SHANK2: variants seen among roughly 807,000 people sequenced by gnomAD.
SHANK2 encodes the protein SH3 and multiple ankyrin repeat domains 2, also known as SH3 and multiple ankyrin repeat domains protein 2.
Under a neutral mutation model 133.7 loss-of-function variants are expected in SHANK2, and 43 were observed. The ratio of observed to expected loss-of-function variants is 0.32; its 90% CI spans 0.25 to 0.41. SHANK2 has a LOEUF of 0.41. SHANK2 is among the 10% of genes least tolerant of loss of function. The pLI is 1.00. For synonymous variants in SHANK2, 1,017 were observed against 952.8 expected, an observed-to-expected ratio of 1.07 and a Z score of -1.24; for missense variants, 1,994 against 2,235.8, an observed-to-expected ratio of 0.89 and a Z score of 2.18.
At chr11:70,718,495 C>T (rs1420737453) in intron 14 of SHANK2, among the ~76,000 whole-genome samples, 1 of 152,156 alleles carries the variant, frequency 6.6e-6, no homozygotes, top group African/African-American at 2.4e-5. Flanking sequence ...CATGGACATG[C>T]TGCAGATTCC....
chr11:70,489,423 G>A, intron 23 of SHANK2, 75 bp from the exon 24 acceptor site: 2 of 1,455,434 alleles, frequency 1.4e-6, no homozygotes, highest in Non-Finnish European at 1.9e-6. Context: ...GTTTGCTGGT[G>A]CAGGGGGAGC....
chr11:71,162,096 T>C (rs1953032989), intron 2 of SHANK2, among the ~76,000 whole-genome samples: 1 of 152,226 alleles, frequency 6.6e-6, no homozygotes, highest in Admixed American at 6.5e-5. Flanking sequence ...ACTTGGTGAA[T>C]TAACCAATGA....
rs577968136 is a variant in SHANK2 at position 70,807,359 on chromosome 11, C to T, written c.1494-188G>A. On this transcript the variant is annotated intron_variant, in intron 12 of 25. Transcript: ENST00000601538. The surrounding 1 kb of genome is among the most constrained non-coding windows in gnomAD (Gnocchi z 4.8). Reference sequence around the variant, plus strand: ...CTGTGGTCAGAGGCTCAGGCAGATCCAACAATCCCACTCGCAGGTCTGCCC... The same window carrying T: ...CTGTGGTCAGAGGCTCAGGCAGATCTAACAATCCCACTCGCAGGTCTGCCC... Among the ~76,000 whole-genome samples the T allele has an allele frequency of 1.3e-5, 2 of 152,300 alleles. No individual in the cohort carries two copies. Among genetic ancestry groups the T allele is most frequent in the Admixed American group, 1.3e-4 (2 of 15,304 alleles).
intron 17 of SHANK2, among the ~76,000 whole-genome samples, chr11:70,541,810 G>C (rs1282144582): frequency 2.0e-5 from 3 of 152,358 alleles, no homozygotes; most frequent in East Asian, 3.9e-4. Flanking sequence ...CCCCACAACA[G>C]AGAATTGCTG....
intron 10 of SHANK2, among the ~76,000 whole-genome samples, chr11:70,921,574 A>C (rs1233228571): frequency 1.3e-5 from 2 of 152,232 alleles, no homozygotes; most frequent in African/African-American, 4.8e-5. Flanking sequence ...GGAGGAGCAG[A>C]AGGTGAAAAA....
chr11:70,904,011 T>C (rs1950062496), intron 10 of SHANK2, among the ~76,000 whole-genome samples: 1 of 152,110 alleles, frequency 6.6e-6, no homozygotes, highest in Non-Finnish European at 1.5e-5. Flanking sequence ...TGGTGCTTCC[T>C]CCAAACCCCT....
chr11:70,473,323 C>A lies in SHANK2; in HGVS notation c.5096G>T (p.Ser1699Ile). The change falls in exon 26 of 26, where the codon AGC becomes ATC. Residue 1699 changes from serine (S) to isoleucine (I), a missense_variant. Coordinates refer to ENST00000601538, the MANE Select transcript of SHANK2 (RefSeq NM_012309.5). This position sits in a 1 kb window ranked among gnomAD's most constrained non-coding sequence, Gnocchi z 5.9. Reference protein sequence around the residue: ...TLQSRPPDYESRTSGTRRAPS... With the variant: ...TLQSRPPDYEIRTSGTRRAPS... ...GGCACGTCTTGTTCCTGAGGTCCTG[C>A]TTTCATAGTCGGGGGGCCGGCTCTG... The A allele has an allele frequency of 2.5e-6, 4 of 1,613,728 alleles. No individual in the cohort carries two copies. The highest frequency in any genetic ancestry group is 3.4e-6 in the Non-Finnish European group (4 of 1,180,016).
At chr11:71,071,962 A>G (rs1333827866) in intron 9 of SHANK2, among the ~76,000 whole-genome samples, 1 of 152,160 alleles carries the variant, frequency 6.6e-6, no homozygotes, top group East Asian at 1.9e-4. Context: ...CAGGATAAAG[A>G]GCCACATCCC....
At chr11:71,124,211 G>GATAATA (rs1952135686) in intron 3 of SHANK2, among the ~76,000 whole-genome samples, 1 of 73,458 alleles carries the variant, frequency 1.4e-5, no homozygotes, top group Non-Finnish European at 2.5e-5. Flanking sequence ...TGGTGGTGAT[G>GATAATA]ATGATGGTGA....
Position 70,487,296 on chromosome 11 carries a change from G to T in SHANK2, c.2997C>A (p.Ala999=), listed in dbSNP as rs782382277. The T allele has an allele frequency of 3.7e-5, 60 of 1,614,078 alleles. No individual in the cohort carries two copies. Among genetic ancestry groups the T allele is most frequent in the South Asian group, 7.7e-5 (7 of 91,088 alleles). ...TGGCGGGCTTGGCGGGGACGTAGAC[G>T]GCTTTGCTGGCGATCTTCCCCACCT... is the stretch of plus-strand genomic sequence containing the variant. The part of the protein sequence containing the change: ...YSEVGKIASK[A]VYVPAKPARR... The change falls in exon 25 of 26, where the codon GCC becomes GCA. Residue 999 remains alanine, a synonymous_variant. Coordinates refer to ENST00000601538, the MANE Select transcript of SHANK2 (RefSeq NM_012309.5). This position sits in a 1 kb window ranked among gnomAD's most constrained non-coding sequence, Gnocchi z 5.8.
intron 17 of SHANK2, among the ~76,000 whole-genome samples, chr11:70,540,616 G>A (rs1386288412): frequency 1.4e-4 from 21 of 152,228 alleles, no homozygotes; most frequent in Admixed American, 1.2e-3. Flanking sequence ...ACCCAGGGCT[G>A]CATCTTTATA....
intron 10 of SHANK2, among the ~76,000 whole-genome samples, chr11:70,907,349 C>T (rs1172734554): frequency 6.6e-6 from 1 of 152,188 alleles, no homozygotes; most frequent in African/African-American, 2.4e-5. Flanking sequence ...AGGGGACCCC[C>T]TGGGTTGTGG....
intron 17 of SHANK2, among the ~76,000 whole-genome samples, chr11:70,545,806 G>A (rs2059685825): frequency 6.6e-6 from 1 of 152,218 alleles, no homozygotes; most frequent in Non-Finnish European, 1.5e-5. Flanking sequence ...AGCCTCGGAG[G>A]CCAGTTGCCA....
In SHANK2 at chr11:70,485,762, A is replaced by G. The variant is rs1555153068; in HGVS notation, c.4531T>C (p.Ser1511Pro). ...AGGGTGGAGATGCTAGACACGGTGG[A>G]GATAGTGCTGGTCGTCTCGAGGTGG... Reference protein sequence around the residue: ...DHHLETTSTISTVSSISTLSS... With the variant: ...DHHLETTSTIPTVSSISTLSS... The change falls in exon 25 of 26, where the codon TCC (serine) becomes CCC (proline). Residue 1511 changes from serine (S) to proline (P), a missense_variant. Ser to Pro is a moderately conservative substitution (Grantham distance 74). Around this residue, in one of 5 missense-constraint regions of SHANK2, gnomAD observed 797 missense variants for 907.4 expected, o/e 0.88. Coordinates refer to ENST00000601538, the MANE Select transcript of SHANK2 (RefSeq NM_012309.5). This position sits in a 1 kb window ranked among gnomAD's most constrained non-coding sequence, Gnocchi z 5.8. 6.2e-7 allele frequency: 1 copy of G among 1,613,740 alleles called. No homozygotes were observed. The highest frequency in any genetic ancestry group is 8.5e-7 in the Non-Finnish European group (1 of 1,179,996).
At chr11:70,618,555 T>C (rs1008407841) in intron 17 of SHANK2, among the ~76,000 whole-genome samples, 1 of 152,154 alleles carries the variant, frequency 6.6e-6, no homozygotes, top group African/African-American at 2.4e-5. Context: ...GCAGGTGATG[T>C]GCATGGCTCG....
intron 14 of SHANK2, among the ~76,000 whole-genome samples, chr11:70,722,813 T>A (rs1263523543): frequency 6.6e-6 from 1 of 152,170 alleles, no homozygotes; most frequent in Non-Finnish European, 1.5e-5. Context: ...ATTAAAAGAA[T>A]CTCTTAGCTT....
Position 70,605,169 on chromosome 11 carries a change from T to TA in SHANK2, c.2061+54658dup, listed in dbSNP as rs1198294054. Among the ~76,000 whole-genome samples, 29 of 151,498 alleles carry TA rather than the reference T, an allele frequency of 1.9e-4. No homozygotes were observed. The Middle Eastern group carries it at 0.01, about 54-fold the overall frequency. On this transcript the variant is annotated intron_variant, in intron 17 of 25. Transcript: ENST00000601538. ...TAACAGGGCCACGTGTCTTTCTACA[T>TA]AAAAAAAGCCCCCTGTCATGCCAAA...
chr11:70,693,019 G>C (rs1419811562), intron 15 of SHANK2, among the ~76,000 whole-genome samples: 1 of 152,174 alleles, frequency 6.6e-6, no homozygotes, highest in Non-Finnish European at 1.5e-5. Context: ...AAAACGAAGA[G>C]AAGGTGAGAA....
intron 8 of SHANK2, among the ~76,000 whole-genome samples, chr11:71,090,693 T>C (rs1341875508): frequency 6.6e-6 from 1 of 152,128 alleles, no homozygotes; most frequent in Non-Finnish European, 1.5e-5. Flanking sequence ...ATGTTATATA[T>C]GTATATGCAC....
Sources: gnomAD v4.1 joint callset for allele counts (sites outside exome capture counted in the v4.1 genomes callset) on GRCh38, gnomAD v4.1.1 for gene constraint, gnomAD v4.1.1 regional missense constraint, Gnocchi (gnomAD v3.1) non-coding constraint, MANE v1.5 for transcripts, NCBI Gene and HGNC (gene_info 2026-07-23, HGNC 2026-07-21) for gene names.